The following NCS1 variants were observed in gnomAD, a reference collection of about 807,000 sequenced individuals.
NCS1 encodes the protein neuronal calcium sensor 1, also known as frequenin homolog.
Under a neutral mutation model 28.4 loss-of-function variants are expected in NCS1, and 6 were observed. That is an observed-to-expected ratio of 0.21 (90% CI 0.12 to 0.42). NCS1 has a LOEUF of 0.42. Ranked by LOEUF, NCS1 falls within the 10% of genes least tolerant of loss-of-function variation. The pLI is 1.00. For synonymous variants in NCS1, 86 were observed against 99.3 expected, an observed-to-expected ratio of 0.87 and a Z score of 0.79; for missense variants, 131 against 241.4, an observed-to-expected ratio of 0.54 and a Z score of 3.03.
At chr9:130,184,794 A>AT (rs34059439) in intron 1 of NCS1, among the ~76,000 whole-genome samples, 99,466 of 146,404 alleles carry the variant, frequency 0.68, 33,885 homozygotes, top group East Asian at 0.83. Context: ...CGCCTGGCTA[A>AT]TTTTTTTTTT....
At chr9:130,229,129 A>G (rs1382093113) in intron 7 of NCS1, among the ~76,000 whole-genome samples, 1 of 152,206 alleles carries the variant, frequency 6.6e-6, no homozygotes, top group East Asian at 1.9e-4. Flanking sequence ...ATATAATCAC[A>G]GTGAACATTT....
chr9:130,200,402 T>G, intron 1 of NCS1: 1 of 634,232 alleles, frequency 1.6e-6, no homozygotes, highest in Non-Finnish European at 2.8e-6. Context: ...ACGGCTCTGT[T>G]CATGTCTTGC....
At chr9:130,205,327 G>A (rs1311580283) in intron 2 of NCS1, among the ~76,000 whole-genome samples, 1 of 151,968 alleles carries the variant, frequency 6.6e-6, no homozygotes, top group African/African-American at 2.4e-5. Flanking sequence ...GCAAAACAGG[G>A]ACCCTCAGCT....
At chr9:130,218,846 C>T (rs1833228374) in intron 3 of NCS1, among the ~76,000 whole-genome samples, 1 of 152,198 alleles carries the variant, frequency 6.6e-6, no homozygotes, top group African/African-American at 2.4e-5. Flanking sequence ...CCACCTTGGT[C>T]TCCCAAAGTG....
At position 130,222,651 on chromosome 9, in the gene NCS1, G is replaced by T; in HGVS notation, c.309G>T (p.Trp103Cys). 6.2e-7 allele frequency: 1 copy of T among 1,613,922 alleles called. No individual in the cohort carries two copies. The highest frequency in any genetic ancestry group is 8.5e-7 in the Non-Finnish European group (1 of 1,179,922). Residue 103 changes from tryptophan (W) to cysteine (C), a missense_variant and splice_region_variant, in exon 5 of 8, where the codon TGG becomes TGT. Around this residue, in one of 2 missense-constraint regions of NCS1, gnomAD observed 100 missense variants for 210.3 expected, o/e 0.48. Coordinates refer to ENST00000372398, the MANE Select transcript of NCS1 (RefSeq NM_014286.4). ...CTCAGCAGTGCTGCTTGCTTACAGG[G>T]GCCTTCAAGCTCTACGACTTGGACA... is the stretch of plus-strand genomic sequence containing the variant. ...SRGTLDEKLR[W>C]AFKLYDLDND...
chr9:130,191,435 C>A lies in NCS1; in HGVS notation c.65-9523C>A, dbSNP rs781979130. On this transcript the variant is annotated intron_variant, in intron 1 of 7. Transcript: ENST00000372398. The surrounding 1 kb of genome is among the most constrained non-coding windows in gnomAD (Gnocchi z 6.4). ...CCAACAGGTGAAATACCCCCCGATT[C>A]GAGTGCTCAGCCTTCCTCCCACCAG... 6.6e-6 allele frequency among the ~76,000 whole-genome samples: 1 copy of A among 152,188 alleles called. No homozygotes were observed. Among genetic ancestry groups the A allele is most frequent in the South Asian group, 2.1e-4 (1 of 4,834 alleles).
At chr9:130,173,423 G>A (rs75533162) in intron 1 of NCS1, among the ~76,000 whole-genome samples, 21,271 of 152,122 alleles carry the variant, frequency 0.14, 2,001 homozygotes, top group African/African-American at 0.27. Flanking sequence ...TCCTTTCTGG[G>A]CGTCTCCAGA....
chr9:130,230,708 C>T (rs1588128137), intron 7 of NCS1, among the ~76,000 whole-genome samples: 1 of 140,078 alleles, frequency 7.1e-6, no homozygotes, highest in South Asian at 2.2e-4. Flanking sequence ...GACTCTGTCT[C>T]TTTAAAAAAA....
intron 6 of NCS1, 144 bp downstream of exon 6, chr9:130,223,303 C>T (rs1833365747): frequency 2.9e-6 from 2 of 695,782 alleles, no homozygotes; most frequent in Non-Finnish European, 5.1e-6. Flanking sequence ...TATCCCTGCT[C>T]AGCAGCTAGC....
intron 2 of NCS1, among the ~76,000 whole-genome samples, chr9:130,208,429 C>G (rs189790846): frequency 6.6e-6 from 1 of 152,050 alleles, no homozygotes; most frequent in African/African-American, 2.4e-5. Context: ...CAGGCACCCA[C>G]CACCACGCCT....
chr9:130,229,177 CA>C (rs1384071682), intron 7 of NCS1, among the ~76,000 whole-genome samples: 1 of 151,660 alleles, frequency 6.6e-6, no homozygotes, highest in Non-Finnish European at 1.5e-5. Context: ...TGAACACTTA[CA>C]AAACTTAACA....
At chr9:130,216,741 G>A (rs4836697) in intron 2 of NCS1, among the ~76,000 whole-genome samples, 37,610 of 151,142 alleles carry the variant, frequency 0.25, 5,048 homozygotes, top group Admixed American at 0.33. Flanking sequence ...AGGCTTCCTC[G>A]TAGTACCTTC....
chr9:130,213,559 G>A (rs1215407858), intron 2 of NCS1, among the ~76,000 whole-genome samples: 2 of 151,252 alleles, frequency 1.3e-5, no homozygotes, highest in Non-Finnish European at 2.9e-5. Flanking sequence ...GATTACAGGT[G>A]TGAGTCACCA....
At chr9:130,200,321 A>C in intron 1 of NCS1, 5 of 524,430 alleles carry the variant, frequency 9.5e-6, no homozygotes, top group Non-Finnish European at 1.4e-5. Flanking sequence ...TTCATGGCTC[A>C]GTAAAGAATG....
At position 130,183,534 on chromosome 9, in the gene NCS1, G is replaced by A. The variant is rs2131119479; in HGVS notation, c.64+10807G>A. Among the ~76,000 whole-genome samples, 2 of 152,332 alleles carry A rather than the reference G, an allele frequency of 1.3e-5. 1 individual carries two copies. The highest frequency in any genetic ancestry group is 3.9e-4 in the East Asian group (2 of 5,180). On this transcript the variant is annotated intron_variant, in intron 1 of 7. Transcript: ENST00000372398. ...TTATTTCAGGCTTGAGTTTTCAGCA[G>A]GGAAGTGGGTTCAGTGTGCCTTTCT...
chr9:130,182,742 C>T (rs1281018993), intron 1 of NCS1, among the ~76,000 whole-genome samples: 2 of 152,338 alleles, frequency 1.3e-5, no homozygotes, highest in Admixed American at 6.5e-5. Context: ...AGCAACGTAC[C>T]GCCATCTTAC....
chr9:130,188,056 C>G lies in NCS1; in HGVS notation c.65-12902C>G, dbSNP rs898691434. On this transcript the variant is annotated intron_variant, in intron 1 of 7. Transcript: ENST00000372398. Reference sequence around the variant, plus strand: ...CTGCTCGGCCTCTTGCAGTTCCTGCCCCTGTGGGGTGCCCCCGTTATTAGC... The same window carrying G: ...CTGCTCGGCCTCTTGCAGTTCCTGCGCCTGTGGGGTGCCCCCGTTATTAGC... 9.2e-5 allele frequency among the ~76,000 whole-genome samples: 14 copies of G among 152,208 alleles called. 1 individual carries two copies. The highest frequency in any genetic ancestry group is 5.9e-4 in the Admixed American group (9 of 15,280).
chr9:130,221,418 A>G (rs1833298560), intron 4 of NCS1, among the ~76,000 whole-genome samples: 1 of 51,874 alleles, frequency 1.9e-5, no homozygotes, highest in African/African-American at 7.2e-5. Flanking sequence ...ATATATAGAG[A>G]GAGAGAGAGA....
intron 1 of NCS1, among the ~76,000 whole-genome samples, chr9:130,173,191 C>A (rs550296927): frequency 7.7e-6 from 1 of 129,342 alleles, no homozygotes; most frequent in East Asian, 2.3e-4. Context: ...TCCCTGGCCC[C>A]GTTCGTGTGG....
Sources: allele counts gnomAD v4.1 joint callset (sites outside exome capture counted in the v4.1 genomes callset), GRCh38; gene constraint gnomAD v4.1.1; regional missense constraint gnomAD v4.1.1; non-coding constraint Gnocchi (gnomAD v3.1); transcripts MANE v1.5; gene names NCBI Gene and HGNC (gene_info 2026-07-23, HGNC 2026-07-21).